The following GPR26 variants were observed in gnomAD, a reference collection of about 807,000 sequenced individuals.
The protein encoded by GPR26 is G protein-coupled receptor 26.
A neutral mutation model predicts 23.1 loss-of-function variants in GPR26; 15 were observed. That is an observed-to-expected ratio of 0.65 (90% CI 0.43 to 1.00). The LOEUF (loss-of-function observed/expected upper bound fraction) is 1.00. GPR26 is among the 50% of genes least tolerant of loss of function. GPR26 has a pLI of 0.00. For synonymous variants in GPR26, 228 were observed against 222.1 expected, an observed-to-expected ratio of 1.03 and a Z score of -0.24; for missense variants, 359 against 470.5, an observed-to-expected ratio of 0.76 and a Z score of 2.19.
intron 2 of GPR26, among the ~76,000 whole-genome samples, chr10:123,681,470 C>T (rs1454154500): frequency 1.3e-5 from 2 of 152,202 alleles, no homozygotes; most frequent in Non-Finnish European, 2.9e-5. Flanking sequence ...CCACAACTCC[C>T]CAGTGACTAT....
At chr10:123,686,724 C>T (rs977551664) in intron 2 of GPR26, among the ~76,000 whole-genome samples, 29 of 152,188 alleles carry the variant, frequency 1.9e-4, no homozygotes, top group Admixed American at 1.2e-3. Context: ...GAGCCACCAC[C>T]GCCTTCTATC....
intron 2 of GPR26, among the ~76,000 whole-genome samples, chr10:123,686,864 T>A (rs1845435654): frequency 6.6e-6 from 1 of 152,174 alleles, no homozygotes; most frequent in Non-Finnish European, 1.5e-5. Context: ...GGCCTCAATT[T>A]TTTCATATGA....
chr10:123,681,504 C>T (rs539793850), intron 2 of GPR26, among the ~76,000 whole-genome samples: 39 of 152,330 alleles, frequency 2.6e-4, no homozygotes, highest in African/African-American at 8.9e-4. Context: ...CTTGCCGCTT[C>T]CACCCGCCTT....
intron 1 of GPR26, among the ~76,000 whole-genome samples, chr10:123,671,239 A>G (rs1242516985): frequency 6.6e-6 from 1 of 152,154 alleles, no homozygotes; most frequent in Non-Finnish European, 1.5e-5. Flanking sequence ...CACCTCGTTG[A>G]TTGACTTTTC....
chr10:123,684,176 C>T (rs1845407774), intron 2 of GPR26, among the ~76,000 whole-genome samples: 3 of 152,152 alleles, frequency 2.0e-5, no homozygotes, highest in Admixed American at 6.5e-5. Flanking sequence ...AGAGAGCACA[C>T]GGAAAGTCAT....
At chr10:123,685,932 G>A (rs764738427) in intron 2 of GPR26, among the ~76,000 whole-genome samples, 4 of 152,160 alleles carry the variant, frequency 2.6e-5, no homozygotes, top group Admixed American at 1.3e-4. Flanking sequence ...ATAAGTGCTC[G>A]GCCCAAAGGA....
Position 123,688,387 on chromosome 10 carries a change from G to A in GPR26, c.*227G>A. On this transcript the variant is annotated 3_prime_UTR_variant, in exon 3 of 3. Coordinates refer to ENST00000284674, the MANE Select transcript of GPR26 (RefSeq NM_153442.4). ...AAGGATGACTGTAGGCCGTGTGCTGGCCTTTCTTTCTAAGAAGCTGCTTTG... is the reference window on the plus strand; with the variant it reads ...AAGGATGACTGTAGGCCGTGTGCTGACCTTTCTTTCTAAGAAGCTGCTTTG... 1.8e-6 allele frequency: 1 copy of A among 552,048 alleles called. No homozygotes were observed. The allele number at this position is 552,048 out of a possible 1,614,324, so 34.2% of individuals were successfully genotyped here. A position where few individuals can be genotyped will look rare whatever the true frequency, so the allele number is the denominator to read the frequency against.
rs777005825 is a variant in GPR26, at chr10:123,679,685, T to C, written c.782+4754T>C. Among the ~76,000 whole-genome samples the C allele has an allele frequency of 3.5e-4, 54 of 152,176 alleles. 1 individual carries two copies. Among genetic ancestry groups the C allele is most frequent in the Admixed American group, 1.3e-3 (20 of 15,286 alleles). On this transcript the variant is annotated intron_variant, in intron 2 of 2. Transcript: ENST00000284674. ...CAGTGGAACTGGACTTCCAACCTCA[T>C]TGGGCTCTCCACCTGCCCCTCAGGC...
At chr10:123,680,231 A>G (rs1845355139) in intron 2 of GPR26, among the ~76,000 whole-genome samples, 1 of 152,208 alleles carries the variant, frequency 6.6e-6, no homozygotes, top group South Asian at 2.1e-4. Context: ...ATTAATGGGG[A>G]CCAGGAGGCA....
rs747400565 is a variant in GPR26 at position 123,688,007 on chromosome 10, C to T, written c.861C>T (p.Ala287=). The change falls in exon 3 of 3, where the codon GCC becomes GCT. Residue 287 remains alanine, a synonymous_variant. Coordinates refer to ENST00000284674, the MANE Select transcript of GPR26 (RefSeq NM_153442.4). ...VLSKCLAYSK[A]ASDPFVYSLL... ...CCAAGTGCTTGGCGTACAGCAAGGC[C>T]GCATCCGACCCCTTTGTGTACTCCT... 3.1e-6 allele frequency: 5 copies of T among 1,614,018 alleles called. No individual in the cohort carries two copies. Among genetic ancestry groups the T allele is most frequent in the Admixed American group, 1.7e-5 (1 of 60,030 alleles).
chr10:123,681,533 C>G (rs185566223), intron 2 of GPR26, among the ~76,000 whole-genome samples: 6 of 152,180 alleles, frequency 3.9e-5, no homozygotes, highest in Non-Finnish European at 8.8e-5. Context: ...TAAATGGAGA[C>G]GTGTCAAGAG....
intron 1 of GPR26, among the ~76,000 whole-genome samples, chr10:123,670,962 G>A (rs950056486): frequency 1.1e-4 from 17 of 152,174 alleles, no homozygotes; most frequent in African/African-American, 4.1e-4. Context: ...GACTCTTAAT[G>A]TGCAGGGCCC....
chr10:123,684,465 C>T (rs997217473), intron 2 of GPR26, among the ~76,000 whole-genome samples: 2 of 152,160 alleles, frequency 1.3e-5, no homozygotes, highest in African/African-American at 2.4e-5. Flanking sequence ...CTAGGGCTGC[C>T]GTAACAGAGT....
intron 2 of GPR26, among the ~76,000 whole-genome samples, chr10:123,681,479 A>C (rs981501292): frequency 1.3e-5 from 2 of 152,170 alleles, no homozygotes; most frequent in Admixed American, 6.6e-5. Context: ...CCCAGTGACT[A>C]TCTAGGCAGC....
Position 123,666,720 on chromosome 10 carries a change from T to G in GPR26, c.313T>G (p.Trp105Gly). 6.3e-7 allele frequency: 1 copy of G among 1,598,410 alleles called. No individual in the cohort carries two copies. Among genetic ancestry groups the G allele is most frequent in the Non-Finnish European group, 8.5e-7 (1 of 1,177,516 alleles). Residue 105 changes from tryptophan (W) to glycine (G), a missense_variant, in exon 1 of 3, where the codon TGG (tryptophan) becomes GGG (glycine). Physicochemically the swap from Trp to Gly is radical, Grantham distance 184. Transcript: ENST00000284674. ...CATGGCCGCGCTCAGCATCGACCGC[T>G]GGGTGGCCGTGGTCTTCCCGCTGAG... ...LSMAALSIDRWVAVVFPLSYR... is the reference protein window; with the variant it reads ...LSMAALSIDRGVAVVFPLSYR...
At chr10:123,675,655 G>A (rs1284394096) in intron 2 of GPR26, among the ~76,000 whole-genome samples, 1 of 152,142 alleles carries the variant, frequency 6.6e-6, no homozygotes, top group African/African-American at 2.4e-5. Flanking sequence ...GCACTGGAGG[G>A]AAAATAAAAA....
chr10:123,666,796 C>T lies in GPR26; in HGVS notation c.389C>T (p.Thr130Met), dbSNP rs762806006. ...GACGCGGCGCTCATGGTGGCCTACA[C>T]GTGGCTGCACGCGCTCACCTTCCCA... ...LRDAALMVAY[T>M]WLHALTFPAA... is the part of the protein sequence containing the mutation. The change falls in exon 1 of 3, where the codon ACG becomes ATG. Residue 130 changes from threonine to methionine, a missense_variant. Thr to Met is a moderately conservative substitution (Grantham distance 81, BLOSUM62 -1). Coordinates refer to ENST00000284674, the MANE Select transcript of GPR26 (RefSeq NM_153442.4). 1.1e-5 allele frequency: 18 copies of T among 1,607,042 alleles called. 1 individual carries two copies. Among genetic ancestry groups the T allele is most frequent in the Non-Finnish European group, 1.5e-5 (18 of 1,177,942 alleles).
intron 1 of GPR26, among the ~76,000 whole-genome samples, chr10:123,669,360 C>T (rs1845225522): frequency 6.6e-6 from 1 of 152,256 alleles, no homozygotes; most frequent in South Asian, 2.1e-4. Context: ...GAGACCCTGA[C>T]AGCCAGTCCA....
In GPR26 at chr10:123,697,034, C is replaced by T. The variant is rs759640014; in HGVS notation, c.*8874C>T. Among the ~76,000 whole-genome samples the T allele has an allele frequency of 6.6e-6, 1 of 152,182 alleles. No homozygotes were observed. Among genetic ancestry groups the T allele is most frequent in the Non-Finnish European group, 1.5e-5 (1 of 68,044 alleles). The stretch of plus-strand genomic sequence containing the variant: ...GTTCATGAACACAAACAGCTACACT[C>T]GGAGTAGAAAACAAATGAAGCAAAA... On this transcript the variant is annotated 3_prime_UTR_variant, in exon 3 of 3. Coordinates refer to ENST00000284674, the MANE Select transcript of GPR26 (RefSeq NM_153442.4).
Sources: allele counts gnomAD v4.1 joint callset (sites outside exome capture counted in the v4.1 genomes callset), GRCh38; gene constraint gnomAD v4.1.1; transcripts MANE v1.5; gene names NCBI Gene and HGNC (gene_info 2026-07-23, HGNC 2026-07-21).